Variants in EVL observed in about 807,000 individuals in gnomAD.
The protein encoded by EVL is Enah/Vasp-like.
Under a neutral mutation model 59.6 loss-of-function variants are expected in EVL, and 21 were observed. The observed-to-expected ratio is 0.35, with a 90% CI of 0.25 to 0.51. The LOEUF (loss-of-function observed/expected upper bound fraction) is 0.51. EVL is among the 20% of genes least tolerant of loss of function. The pLI is 0.97. For synonymous variants in EVL, 198 were observed against 203.5 expected, an observed-to-expected ratio of 0.97 and a Z score of 0.23; for missense variants, 462 against 546.6, an observed-to-expected ratio of 0.85 and a Z score of 1.54.
intron 1 of EVL, among the ~76,000 whole-genome samples, chr14:100,045,931 C>T (rs896672459): frequency 1.3e-5 from 2 of 152,186 alleles, no homozygotes; most frequent in African/African-American, 4.8e-5. Flanking sequence ...CTCATGAAAG[C>T]CAGGTTTATT....
intron 7 of EVL, among the ~76,000 whole-genome samples, chr14:100,131,035 G>C (rs1253220861): frequency 6.6e-6 from 1 of 152,196 alleles, no homozygotes; most frequent in Non-Finnish European, 1.5e-5. Flanking sequence ...GCAGAGTTAA[G>C]GTAAGGCTGG....
intron 8 of EVL, 162 bp from the exon 9 acceptor site, chr14:100,135,743 T>G (rs1402101909): frequency 6.2e-6 from 4 of 648,900 alleles, no homozygotes; most frequent in Non-Finnish European, 1.1e-5. Flanking sequence ...CCACTGAGAT[T>G]TTGCGTTTTC....
chr14:100,074,977 G>A (rs2062130410), intron 1 of EVL: 1 of 152,244 alleles, frequency 6.6e-6, no homozygotes, highest in Non-Finnish European at 1.5e-5. Flanking sequence ...GGAAGGAGAG[G>A]CCTCCAGATG....
intron 1 of EVL, chr14:99,978,096 CAAAA>C (rs1194017531): frequency 6.4e-5 from 5 of 77,998 alleles, no homozygotes; most frequent in Admixed American, 1.6e-4. Flanking sequence ...GACTCTGTCT[CAAAA>C]AAAAAAAAAA....
chr14:100,022,975 C>T (rs1037644869), intron 1 of EVL, among the ~76,000 whole-genome samples: 2 of 152,140 alleles, frequency 1.3e-5, no homozygotes, highest in African/African-American at 4.8e-5. Context: ...TAAGGAATCC[C>T]TGCAGATGAT....
At chr14:100,047,047 C>A (rs2061559509) in intron 1 of EVL, among the ~76,000 whole-genome samples, 1 of 148,850 alleles carries the variant, frequency 6.7e-6, no homozygotes, top group Admixed American at 6.7e-5. Flanking sequence ...GCCACCGCGC[C>A]CAGCAGGAGG....
At chr14:100,067,736 C>G (rs542459720) in intron 1 of EVL, among the ~76,000 whole-genome samples, 55 of 152,298 alleles carry the variant, frequency 3.6e-4, no homozygotes, top group African/African-American at 1.2e-3. Flanking sequence ...TTTGCTCTTA[C>G]GCCTGAATTA....
At chr14:99,999,368 C>T (rs1017667283) in intron 1 of EVL, among the ~76,000 whole-genome samples, 25 of 152,368 alleles carry the variant, frequency 1.6e-4, no homozygotes, top group Admixed American at 9.8e-4. Flanking sequence ...CTTTACCTCT[C>T]TGTCCCTCAG....
chr14:100,134,411 AC>A (rs1316852160), intron 8 of EVL, among the ~76,000 whole-genome samples: 3 of 151,950 alleles, frequency 2.0e-5, no homozygotes, highest in Non-Finnish European at 4.4e-5. Flanking sequence ...GAAACCTTCA[AC>A]CCCAAGGATA....
At chr14:100,024,452 A>G (rs2061177752) in intron 1 of EVL, among the ~76,000 whole-genome samples, 1 of 152,248 alleles carries the variant, frequency 6.6e-6, no homozygotes, top group Non-Finnish European at 1.5e-5. Context: ...TCTCAGATGA[A>G]CAGGAGGTAG....
Position 100,116,784 on chromosome 14 carries a change from G to A in EVL, c.359-6755G>A, listed in dbSNP as rs181173180. Among the ~76,000 whole-genome samples, 593 of 152,320 alleles carry A rather than the reference G, an allele frequency of 3.9e-3. 3 individuals carry two copies. Among genetic ancestry groups the A allele is most frequent in the Middle Eastern group, 0.017 (5 of 294 alleles). ...GAGAGGAATATAAGCCCACAATCCC[G>A]AGATAGCCACTGTGAACATTTTAGT... is the stretch of plus-strand genomic sequence containing the variant. On this transcript the variant is annotated intron_variant, in intron 3 of 13. Transcript: ENST00000392920.
intron 3 of EVL, among the ~76,000 whole-genome samples, chr14:100,102,913 T>C (rs1886315077): frequency 6.6e-6 from 1 of 152,032 alleles, no homozygotes; most frequent in Non-Finnish European, 1.5e-5. Context: ...CTGGCCAACA[T>C]GGTGAAACTC....
chr14:100,024,216 A>G (rs1315293638), intron 1 of EVL, among the ~76,000 whole-genome samples: 2 of 152,204 alleles, frequency 1.3e-5, no homozygotes, highest in African/African-American at 2.4e-5. Context: ...TATTAATTCA[A>G]ATTTATATCT....
chr14:100,012,372 A>G (rs1449823691), intron 1 of EVL, among the ~76,000 whole-genome samples: 2 of 152,130 alleles, frequency 1.3e-5, no homozygotes, highest in Admixed American at 1.3e-4. Context: ...GGTGCTCAGT[A>G]TATATTTCTT....
At chr14:100,027,106 A>T (rs1181453339) in intron 1 of EVL, among the ~76,000 whole-genome samples, 1 of 152,234 alleles carries the variant, frequency 6.6e-6, no homozygotes, top group Non-Finnish European at 1.5e-5. Flanking sequence ...ATTTATAAAA[A>T]TTTTAATTAT....
At chr14:100,121,148 C>A (rs1887672408) in intron 3 of EVL, among the ~76,000 whole-genome samples, 1 of 152,228 alleles carries the variant, frequency 6.6e-6, no homozygotes, top group Non-Finnish European at 1.5e-5. Context: ...CACCACTAGA[C>A]ACGAGGGAGT....
chr14:100,087,507 C>G (rs2062472193), intron 2 of EVL, among the ~76,000 whole-genome samples: 1 of 152,068 alleles, frequency 6.6e-6, no homozygotes, highest in Admixed American at 6.6e-5. Context: ...CCCAGCTACT[C>G]AGGAGGCCAG....
At chr14:99,982,892 C>T (rs2060816834) in intron 1 of EVL, among the ~76,000 whole-genome samples, 1 of 152,190 alleles carries the variant, frequency 6.6e-6, no homozygotes, top group Non-Finnish European at 1.5e-5. Flanking sequence ...TGACTTTTAG[C>T]AATTTACGTA....
Position 100,137,586 on chromosome 14 carries a change from C to T in EVL, c.973C>T (p.Arg325Trp), listed in dbSNP as rs746857642. 2.9e-5 allele frequency: 46 copies of T among 1,613,954 alleles called. No homozygotes were observed. The highest frequency in any genetic ancestry group is 1.2e-4 in the South Asian group (11 of 91,084). The change falls in exon 10 of 14, where the codon CGG (arginine) becomes TGG (tryptophan). Residue 325 changes from arginine to tryptophan, a missense_variant. Arg to Trp is a moderately radical substitution (Grantham distance 101). Coordinates refer to ENST00000392920, the MANE Select transcript of EVL (RefSeq NM_016337.3). ...ATGAAATGAACTGACAGAGGCTGGCCGGAAGCCCTGGGAGCGGAGCAACTC... is the reference window on the plus strand; with the variant it reads ...ATGAAATGAACTGACAGAGGCTGGCTGGAAGCCCTGGGAGCGGAGCAACTC... ...SQPPNSSEAG[R>W]KPWERSNSVE...
Sources: allele counts gnomAD v4.1 joint callset (sites outside exome capture counted in the v4.1 genomes callset), GRCh38; gene constraint gnomAD v4.1.1; transcripts MANE v1.5; gene names NCBI Gene and HGNC (gene_info 2026-07-23, HGNC 2026-07-21).